Variants in CSTPP1 observed in about 807,000 individuals in gnomAD.
CSTPP1 encodes the protein centriolar satellite-associated tubulin polyglutamylase complex regulator 1, also known as UPF0705 protein C11orf49.
At chr11:47,054,310 C>CAAAAAA in the CSTPP1 span, among the ~76,000 whole-genome samples, 1 of 41,574 alleles carries the variant, frequency 2.4e-5, no homozygotes, top group Non-Finnish European at 5.0e-5. Flanking sequence ...TACTCCGTCT[C>CAAAAAA]AAAAAAAAAA....
the CSTPP1 span, among the ~76,000 whole-genome samples, chr11:47,030,810 A>G: frequency 1.3e-5 from 2 of 152,172 alleles, no homozygotes; most frequent in Middle Eastern, 3.2e-3. Context: ...GCTAAGGATA[A>G]TGGCCTCCAG....
the CSTPP1 span, among the ~76,000 whole-genome samples, chr11:47,046,660 C>CTTTTTTTTTTTTTTTTT: frequency 1.9e-4 from 15 of 79,732 alleles, no homozygotes; most frequent in Non-Finnish European, 2.8e-4. Context: ...ATCTTCTTTT[C>CTTTTTTTTTTTTTTTTT]TTTTTTTTTT....
the CSTPP1 span, among the ~76,000 whole-genome samples, chr11:47,087,798 T>C: frequency 6.6e-6 from 1 of 152,126 alleles, no homozygotes; most frequent in Non-Finnish European, 1.5e-5. Flanking sequence ...CCTAAAACAA[T>C]ACACATTTAT....
chr11:47,134,625 T>C, the CSTPP1 span, among the ~76,000 whole-genome samples: 1 of 152,084 alleles, frequency 6.6e-6, no homozygotes, highest in East Asian at 1.9e-4. Flanking sequence ...GGGCCCAAAA[T>C]AGACAGGAGC....
the CSTPP1 span, among the ~76,000 whole-genome samples, chr11:47,064,642 T>C: frequency 6.6e-6 from 1 of 152,140 alleles, no homozygotes; most frequent in Non-Finnish European, 1.5e-5. Flanking sequence ...TATATGAGGA[T>C]TTTTGTTTCT....
the CSTPP1 span, among the ~76,000 whole-genome samples, chr11:47,162,558 C>T: frequency 5.3e-5 from 8 of 152,200 alleles, no homozygotes; most frequent in Non-Finnish European, 1.2e-4. Flanking sequence ...CAACATTTGC[C>T]AAGCACCTGC....
At chr11:47,029,947 A>C in the CSTPP1 span, among the ~76,000 whole-genome samples, 1 of 151,770 alleles carries the variant, frequency 6.6e-6, no homozygotes, top group Non-Finnish European at 1.5e-5. Context: ...GAAAAAAAAA[A>C]AAAAAGAAAG....
At chr11:47,038,521 A>C in the CSTPP1 span, among the ~76,000 whole-genome samples, 2 of 80,686 alleles carry the variant, frequency 2.5e-5, no homozygotes, top group South Asian at 5.0e-4. Flanking sequence ...ACTTCCCAGT[A>C]GGGGCGGCCG....
chr11:46,980,328 C>G, the CSTPP1 span, among the ~76,000 whole-genome samples: 1 of 152,198 alleles, frequency 6.6e-6, no homozygotes, highest in African/African-American at 2.4e-5. Flanking sequence ...TTGTTTGCCT[C>G]TGGCGTGTCT....
chr11:47,086,396 ACT>A, the CSTPP1 span, among the ~76,000 whole-genome samples: 1 of 151,852 alleles, frequency 6.6e-6, no homozygotes, highest in Non-Finnish European at 1.5e-5. Context: ...ATGGAGTGAG[ACT>A]CTGTGGAAAA....
the CSTPP1 span, chr11:47,161,195 G>C: frequency 6.2e-7 from 1 of 1,614,162 alleles, no homozygotes; most frequent in Non-Finnish European, 8.5e-7. Flanking sequence ...ACGGCTGTAA[G>C]TGTCAAGTGG....
At chr11:46,970,482 G>A in the CSTPP1 span, among the ~76,000 whole-genome samples, 1 of 151,036 alleles carries the variant, frequency 6.6e-6, no homozygotes, top group Non-Finnish European at 1.5e-5. Context: ...ATAAATTTAG[G>A]TTCATGCCTC....
chr11:47,097,070 C>T, the CSTPP1 span, among the ~76,000 whole-genome samples: 2 of 150,940 alleles, frequency 1.3e-5, no homozygotes, highest in African/African-American at 2.4e-5. Context: ...GCCCCCCCAC[C>T]CGGCCAGCCG....
the CSTPP1 span, chr11:46,936,924 G>A: frequency 7.0e-7 from 1 of 1,426,252 alleles, no homozygotes; most frequent in Non-Finnish European, 9.3e-7. Context: ...GAGGAGGCGG[G>A]GGCGGGGTCT....
chr11:47,115,751 A>T, the CSTPP1 span, among the ~76,000 whole-genome samples: 146,259 of 149,212 alleles, frequency 0.98, 71,720 homozygotes, highest in Middle Eastern at 1. Flanking sequence ...GTTGATCTTT[A>T]AAAAAAAAAA....
At chr11:47,033,518 A>C in the CSTPP1 span, among the ~76,000 whole-genome samples, 2 of 152,134 alleles carry the variant, frequency 1.3e-5, no homozygotes, top group Non-Finnish European at 2.9e-5. Context: ...GATGTCTGTT[A>C]GCTCTTGAAT....
At chr11:47,153,776 G>A in the CSTPP1 span, among the ~76,000 whole-genome samples, 45,835 of 151,968 alleles carry the variant, frequency 0.3, 8,418 homozygotes, top group African/African-American at 0.52. Flanking sequence ...CAGGAAGATC[G>A]CAGCAAAGGG....
chr11:46,979,901 G>A, the CSTPP1 span, among the ~76,000 whole-genome samples: 1 of 152,090 alleles, frequency 6.6e-6, no homozygotes, highest in African/African-American at 2.4e-5. Context: ...TGACAACAGC[G>A]AGACTCTGAC....
At chr11:47,036,662 A>ATTTGT in the CSTPP1 span, among the ~76,000 whole-genome samples, 1,014 of 124,988 alleles carry the variant, frequency 8.1e-3, 228 homozygotes, top group Non-Finnish European at 0.013. Context: ...GAGCTCATAG[A>ATTTGT]TTTGTTTTGT....
Sources: gnomAD v4.1 joint callset for allele counts (sites outside exome capture counted in the v4.1 genomes callset) on GRCh38, gnomAD v4.1.1 for gene constraint, MANE v1.5 for transcripts, NCBI Gene and HGNC (gene_info 2026-07-23, HGNC 2026-07-21) for gene names.